GPAM: variants seen among roughly 807,000 people sequenced by gnomAD.
GPAM encodes glycerol-3-phosphate acyltransferase 1, mitochondrial.
Under a neutral mutation model 105.0 loss-of-function variants are expected in GPAM, and 56 were observed. That is an observed-to-expected ratio of 0.53 (90% CI 0.43 to 0.67). The LOEUF is 0.67. Among genes scored for constraint, GPAM ranks in the 30% least tolerant of loss-of-function variants. The probability of loss-of-function intolerance (pLI) is 0.00; values close to 1 mark genes in which losing one functional copy is unlikely to be tolerated. For synonymous variants in GPAM, 368 were observed against 354.4 expected, an observed-to-expected ratio of 1.04 and a Z score of -0.43; for missense variants, 855 against 989.8, an observed-to-expected ratio of 0.86 and a Z score of 1.83.
rs763101818 is a variant in GPAM, at chr10:112,181,739, G to A, written c.46C>T (p.Leu16=). Residue 16 remains leucine, a synonymous_variant, in exon 3 of 22, where the codon CTG becomes TTG. Coordinates refer to ENST00000348367, the MANE Select transcript of GPAM (RefSeq NM_001244949.2). The part of the protein sequence containing the change: ...LTLGTIDVSY[L]PHSSEYSVGR... Reference sequence around the variant, plus strand: ...ACACTGTATTCTGATGAATGTGGCAGATAAGAAACATCTATTGTACCAAGG... The same window carrying A: ...ACACTGTATTCTGATGAATGTGGCAAATAAGAAACATCTATTGTACCAAGG... 145 of 1,610,342 alleles carry A rather than the reference G, an allele frequency of 9.0e-5. No homozygotes were observed. Among genetic ancestry groups the A allele is most frequent in the Admixed American group, 4.2e-4 (25 of 60,004 alleles).
intron 19 of GPAM, chr10:112,156,789 T>C (rs951610593): frequency 1.6e-5 from 3 of 184,068 alleles, no homozygotes; most frequent in Non-Finnish European, 3.4e-5. Flanking sequence ...AAATTGATTT[T>C]TCTAAATCAG....
At chr10:112,164,836 G>A (rs1342411260) in intron 12 of GPAM, among the ~76,000 whole-genome samples, 6 of 152,092 alleles carry the variant, frequency 3.9e-5, no homozygotes, top group Admixed American at 6.5e-5. Flanking sequence ...ACAAAGAATA[G>A]GATGCTTAAA....
At chr10:112,172,533 A>G (rs1847331188) in intron 8 of GPAM, among the ~76,000 whole-genome samples, 1 of 152,222 alleles carries the variant, frequency 6.6e-6, no homozygotes. Flanking sequence ...TGGGGGAAGA[A>G]GAGCAATCAA....
intron 14 of GPAM, 24 bp from the exon 15 acceptor site, chr10:112,161,761 T>G (rs759495123): frequency 6.3e-7 from 1 of 1,598,638 alleles, no homozygotes; most frequent in Admixed American, 1.7e-5. Flanking sequence ...ACAAAGCTTT[T>G]TTTAGTTGCA....
chr10:112,169,019 T>G (rs1470515866), intron 9 of GPAM, 67 bp from the exon 10 acceptor site: 1 of 1,076,424 alleles, frequency 9.3e-7, no homozygotes, highest in Middle Eastern at 2.0e-4. Context: ...CATTCCAAGT[T>G]AATTGAAAAC....
upstream of GPAM, among the ~76,000 whole-genome samples, chr10:112,215,931 C>T (rs1847963304): frequency 6.6e-6 from 1 of 152,178 alleles, no homozygotes; most frequent in Admixed American, 6.5e-5. Flanking sequence ...CAGCTGCTGC[C>T]ACCCTCCCCT....
intron 1 of GPAM, among the ~76,000 whole-genome samples, chr10:112,191,232 G>A (rs936859895): frequency 3.9e-5 from 6 of 152,230 alleles, no homozygotes; most frequent in Non-Finnish European, 8.8e-5. Flanking sequence ...AGGCAGGTTA[G>A]AGCAGCAGTC....
intron 20 of GPAM, 34 bp downstream of exon 20, chr10:112,155,830 A>T: frequency 1.5e-6 from 2 of 1,370,134 alleles, no homozygotes; most frequent in Non-Finnish European, 2.0e-6. Flanking sequence ...AAAAAAAAAA[A>T]GATTTTAAAA....
At position 112,153,655 on chromosome 10, in the gene GPAM, C is replaced by G; in HGVS notation, c.2382G>C (p.Glu794Asp). The G allele has an allele frequency of 6.2e-7, 1 of 1,609,556 alleles. No homozygotes were observed. The highest frequency in any genetic ancestry group is 8.5e-7 in the Non-Finnish European group (1 of 1,176,252). Residue 794 changes from glutamate (E) to aspartate (D), a missense_variant, in exon 22 of 22, where the codon GAG (glutamate) becomes GAC (aspartate). Glu to Asp is a conservative substitution (Grantham distance 45). Transcript: ENST00000348367. ...AAACAGACACTCTCTTTTGTTTGGT[C>G]TCCTTGAAAACCTAAAGAAAAGGTT... is the stretch of plus-strand genomic sequence containing the variant. ...KMFKDIGVFKETKQKRVSVLE... is the reference protein window; with the variant it reads ...KMFKDIGVFKDTKQKRVSVLE...
intron 1 of GPAM, among the ~76,000 whole-genome samples, chr10:112,192,716 T>C (rs1231911448): frequency 1.3e-5 from 2 of 152,190 alleles, no homozygotes; most frequent in Admixed American, 6.5e-5. Context: ...TTTTAAGCCA[T>C]AGTAAAAAGT....
chr10:112,200,229 A>G (rs527421891), intron 1 of GPAM, among the ~76,000 whole-genome samples: 61 of 97,166 alleles, frequency 6.3e-4, no homozygotes, highest in South Asian at 4.7e-3. Flanking sequence ...CACTATATGT[A>G]TATATATATA....
intron 17 of GPAM, among the ~76,000 whole-genome samples, chr10:112,159,191 T>C (rs1195582468): frequency 6.6e-6 from 1 of 151,254 alleles, no homozygotes; most frequent in African/African-American, 2.4e-5. Flanking sequence ...ATTTGTAAAT[T>C]GAGAGGTGTT....
At chr10:112,197,756 C>A (rs372546571) in intron 1 of GPAM, among the ~76,000 whole-genome samples, 171 of 149,160 alleles carry the variant, frequency 1.1e-3, no homozygotes, top group African/African-American at 4.1e-3. Flanking sequence ...TTTGTTCTTG[C>A]GATAGTTTAC....
At chr10:112,171,423 T>G (rs1200125144) in intron 9 of GPAM, among the ~76,000 whole-genome samples, 2 of 152,248 alleles carry the variant, frequency 1.3e-5, no homozygotes, top group Non-Finnish European at 2.9e-5. Context: ...ATTTCATTCT[T>G]TCTAATCCAG....
In GPAM at chr10:112,177,965, A is replaced by G. The variant is rs1255739710; in HGVS notation, c.299+19T>C. 3 of 1,380,628 alleles carry G rather than the reference A, an allele frequency of 2.2e-6. No individual in the cohort carries two copies. Among genetic ancestry groups the G allele is most frequent in the African/African-American group, 2.8e-5 (2 of 70,368 alleles). The allele number at this position is 1,380,628 out of a possible 1,614,324, so 85.5% of individuals were successfully genotyped here. On this transcript the variant is annotated intron_variant, in intron 5 of 21. Coordinates refer to ENST00000348367, the MANE Select transcript of GPAM (RefSeq NM_001244949.2). ...TTTTCTTTTGAGATGTATTAAAAAC[A>G]TAAGAAATTTCTTTTTACCTTGTGT... is the stretch of plus-strand genomic sequence containing the variant.
At position 112,166,479 on chromosome 10, in the gene GPAM, C is replaced by T. The variant is rs766623556; in HGVS notation, c.1144G>A (p.Ala382Thr). The T allele has an allele frequency of 3.7e-6, 6 of 1,611,052 alleles. No homozygotes were observed. In the South Asian group the frequency reaches 4.4e-5, roughly 12 times the overall value. ...PKKNESLWSVARGVIRMLRKN... is the reference protein window; with the variant it reads ...PKKNESLWSVTRGVIRMLRKN... ...CGTAACATTCTAATAACACCTCTTG[C>T]TACACTCCACAGGCTCTCATTCTTC... The change falls in exon 12 of 22, where the codon GCA (alanine) becomes ACA (threonine). Residue 382 changes from alanine to threonine, a missense_variant. By Grantham distance (58) the Ala-to-Thr change is moderately conservative (BLOSUM62 0). Coordinates refer to ENST00000348367, the MANE Select transcript of GPAM (RefSeq NM_001244949.2).
chr10:112,166,654 A>T (rs1847223277), intron 11 of GPAM, 139 bp from the exon 12 acceptor site: 1 of 700,518 alleles, frequency 1.4e-6, no homozygotes, highest in African/African-American at 1.8e-5. Context: ...GAAGGAAAGG[A>T]GGTAATCATT....
chr10:112,196,699 T>C (rs7895216), intron 1 of GPAM, among the ~76,000 whole-genome samples: 40,454 of 152,128 alleles, frequency 0.27, 7,602 homozygotes, highest in African/African-American at 0.53. Flanking sequence ...ATTACAAGGA[T>C]GATCTCCAAA....
intron 1 of GPAM, among the ~76,000 whole-genome samples, chr10:112,192,549 G>A (rs562662476): frequency 2.0e-5 from 3 of 152,254 alleles, no homozygotes; most frequent in Admixed American, 6.5e-5. Flanking sequence ...GGAGCCCAGA[G>A]CAGACCTCTC....
Sources: gnomAD v4.1 joint callset for allele counts (sites outside exome capture counted in the v4.1 genomes callset) on GRCh38, gnomAD v4.1.1 for gene constraint, MANE v1.5 for transcripts, NCBI Gene and HGNC (gene_info 2026-07-23, HGNC 2026-07-21) for gene names.